Variants in ZZEF1 observed in about 807,000 individuals in gnomAD.
ZZEF1 encodes the protein zinc finger ZZ-type and EF-hand domain containing 1.
A neutral mutation model predicts 342.8 loss-of-function variants in ZZEF1; 157 were observed. The ratio of observed to expected loss-of-function variants is 0.46; its 90% CI spans 0.40 to 0.52. The LOEUF (loss-of-function observed/expected upper bound fraction) is 0.52. ZZEF1 is among the 20% of genes least tolerant of loss of function. ZZEF1 has a pLI of 0.00. For synonymous variants in ZZEF1, 1,505 were observed against 1,429.1 expected, an observed-to-expected ratio of 1.05 and a Z score of -1.20; for missense variants, 3,480 against 3,725.6, an observed-to-expected ratio of 0.93 and a Z score of 1.72.
chr17:4,016,378 A>G lies in ZZEF1; in HGVS notation c.8090T>C (p.Met2697Thr). 6.2e-7 allele frequency: 1 copy of G among 1,614,084 alleles called. No homozygotes were observed. The highest frequency in any genetic ancestry group is 8.5e-7 in the Non-Finnish European group (1 of 1,180,024). Residue 2697 changes from methionine (M) to threonine (T), a missense_variant, in exon 49 of 55, where the codon ATG (methionine) becomes ACG (threonine). Physicochemically the swap from Met to Thr is moderately conservative, Grantham distance 81 (BLOSUM62 -1). Around this residue, in one of 5 missense-constraint regions of ZZEF1, gnomAD observed 1,269 missense variants for 1,342.4 expected, o/e 0.95. Transcript: ENST00000381638. This position sits in a 1 kb window ranked among gnomAD's most constrained non-coding sequence, Gnocchi z 4.4. Reference protein sequence around the residue: ...AACQFMEEPGMEVQVRESKHP... With the variant: ...AACQFMEEPGTEVQVRESKHP... ...TTTCGACTCCCTCACTTGCACCTCC[A>G]TTCCTGGCTCCTCCATGAACTGGCA...
At chr17:4,111,441 T>C (rs1353821121) in intron 5 of ZZEF1, among the ~76,000 whole-genome samples, 3 of 152,012 alleles carry the variant, frequency 2.0e-5, no homozygotes, top group Non-Finnish European at 2.9e-5. Context: ...GGGCGGATCA[T>C]GAGGTCAGTA....
Position 4,070,925 on chromosome 17 carries a change from C to G in ZZEF1, c.3835-1G>C. 1 of 1,606,968 alleles carries G rather than the reference C, an allele frequency of 6.2e-7. No individual in the cohort carries two copies. On this transcript the variant is annotated splice_acceptor_variant, in intron 25 of 54. Transcript: ENST00000381638. LOFTEE classifies it high-confidence loss of function. ...AGGGGTCGTCAGGAATGTTCTTAAC[C>G]TGGAAACAAAAAATAAACCCATCAC...
At chr17:4,060,661 C>T (rs746671508) in intron 30 of ZZEF1, among the ~76,000 whole-genome samples, 1 of 151,878 alleles carries the variant, frequency 6.6e-6, no homozygotes, top group Non-Finnish European at 1.5e-5. Context: ...CCACCACTAC[C>T]TCCTTCTCAT....
chr17:4,038,365 A>ATAGTATTGTCTGGAGTAAGT (rs1378476448), intron 39 of ZZEF1, among the ~76,000 whole-genome samples: 1 of 152,214 alleles, frequency 6.6e-6, no homozygotes, highest in Non-Finnish European at 1.5e-5. Flanking sequence ...AGTAATTTCC[A>ATAGTATTGTCTGGAGTAAGT]GTTTAGAAAC....
Position 4,056,204 on chromosome 17 carries a change from G to A in ZZEF1, c.5295+12C>T. 6.4e-7 allele frequency: 1 copy of A among 1,570,158 alleles called. No individual in the cohort carries two copies. Among genetic ancestry groups the A allele is most frequent in the Non-Finnish European group, 8.6e-7 (1 of 1,158,142 alleles). ...CAAATCACTTCAGAGTACTCTAGTT[G>A]AGAGGTCTTACTTTCCTCTGCTTCT... On this transcript the variant is annotated intron_variant, in intron 33 of 54. Coordinates refer to ENST00000381638, the MANE Select transcript of ZZEF1 (RefSeq NM_015113.4).
At chr17:4,092,632 C>T (rs1373271495) in intron 11 of ZZEF1, among the ~76,000 whole-genome samples, 1 of 152,116 alleles carries the variant, frequency 6.6e-6, no homozygotes, top group African/African-American at 2.4e-5. Context: ...TAACATAAGT[C>T]TTTCTTGGCA....
At chr17:4,125,264 C>G (rs1253322255) in intron 1 of ZZEF1, among the ~76,000 whole-genome samples, 2 of 152,180 alleles carry the variant, frequency 1.3e-5, no homozygotes, top group African/African-American at 4.8e-5. Flanking sequence ...TGCAATACTT[C>G]AGGAGTCTTT....
intron 3 of ZZEF1, among the ~76,000 whole-genome samples, chr17:4,115,437 C>T (rs1173601669): frequency 2.6e-5 from 4 of 152,044 alleles, no homozygotes; most frequent in African/African-American, 7.2e-5. Context: ...CCAAGGCAGG[C>T]GGATCACTTG....
intron 32 of ZZEF1, among the ~76,000 whole-genome samples, chr17:4,056,586 AGG>A (rs2057164377): frequency 6.6e-6 from 1 of 152,210 alleles, no homozygotes; most frequent in African/African-American, 2.4e-5. Context: ...AGAGTTTGAA[AGG>A]TTGTACCACA....
intron 29 of ZZEF1, among the ~76,000 whole-genome samples, chr17:4,063,881 C>G (rs1435559448): frequency 6.6e-6 from 1 of 152,138 alleles, no homozygotes; most frequent in Admixed American, 6.5e-5. Flanking sequence ...GCATCCACCA[C>G]TACGCCCAGC....
At position 4,070,810 on chromosome 17, in the gene ZZEF1, C is replaced by A; in HGVS notation, c.3949G>T (p.Ala1317Ser). Residue 1317 changes from alanine (A) to serine (S), a missense_variant, in exon 26 of 55, where the codon GCA becomes TCA. By Grantham distance (99) the Ala-to-Ser change is moderately conservative. Around this residue, in one of 5 missense-constraint regions of ZZEF1, gnomAD observed 1,528 missense variants for 1,624.1 expected, o/e 0.94. Coordinates refer to ENST00000381638, the MANE Select transcript of ZZEF1 (RefSeq NM_015113.4). ...YSELFKGFIQ[A>S]CRKQAPKTDI... Reference sequence around the variant, plus strand: ...GTCTTTGGGGCCTGTTTTCTACATGCCTGTATGAATCCTTTGAAAAGTTCT... The same window carrying A: ...GTCTTTGGGGCCTGTTTTCTACATGACTGTATGAATCCTTTGAAAAGTTCT... 6.2e-7 allele frequency: 1 copy of A among 1,614,060 alleles called. No individual in the cohort carries two copies. The highest frequency in any genetic ancestry group is 8.5e-7 in the Non-Finnish European group (1 of 1,180,026).
intron 11 of ZZEF1, 61 bp from the exon 12 acceptor site, chr17:4,090,891 A>C: frequency 1.6e-6 from 2 of 1,257,870 alleles, no homozygotes; most frequent in East Asian, 4.7e-5. Flanking sequence ...GGTCTAACAA[A>C]TAAGGTATCA....
At chr17:4,104,925 A>G (rs1231251253) in intron 7 of ZZEF1, 114 bp from the exon 8 acceptor site, 2 of 861,844 alleles carry the variant, frequency 2.3e-6, no homozygotes, top group Non-Finnish European at 3.5e-6. Flanking sequence ...TATGCTTTCT[A>G]CAGGTTTATC....
chr17:4,032,780 G>C, intron 41 of ZZEF1, 48 bp downstream of exon 41: 1 of 1,599,308 alleles, frequency 6.3e-7, no homozygotes, highest in Non-Finnish European at 8.6e-7. Flanking sequence ...TGTGTATAGT[G>C]AAGACTGGAA....
Position 4,014,012 on chromosome 17 carries a change from C to A in ZZEF1, c.8413+78G>T. ...TACCTGCTTTGATTTTAACCAAGAT[C>A]AGTGACATCATGGCACCCACAGCCA... On this transcript the variant is annotated intron_variant, in intron 51 of 54. Transcript: ENST00000381638. This position sits in a 1 kb window ranked among gnomAD's most constrained non-coding sequence, Gnocchi z 4.4. The A allele has an allele frequency of 7.3e-7, 1 of 1,362,472 alleles. No individual in the cohort carries two copies. The highest frequency in any genetic ancestry group is 1.0e-6 in the Non-Finnish European group (1 of 962,618). 84.4% of individuals were successfully genotyped at this position (1,362,472 alleles called of 1,614,324 possible).
In ZZEF1 at chr17:4,121,726, CA is replaced by C. The variant is rs1254394431; in HGVS notation, c.499+2180del. Reference sequence around the variant, plus strand: ...CAACCTGAAGGAGAATGGAGATACACATTTTTTTTTTTTTTGAGACAGGGTC... The same window carrying C: ...CAACCTGAAGGAGAATGGAGATACACTTTTTTTTTTTTTTGAGACAGGGTC... On this transcript the variant is annotated intron_variant, in intron 2 of 54. Coordinates refer to ENST00000381638, the MANE Select transcript of ZZEF1 (RefSeq NM_015113.4). Among the ~76,000 whole-genome samples, 137 of 149,102 alleles carry C rather than the reference CA, an allele frequency of 9.2e-4. 1 individual carries two copies. The highest frequency in any genetic ancestry group is 3.1e-3 in the African/African-American group (122 of 39,966).
At position 4,054,047 on chromosome 17, in the gene ZZEF1, T is replaced by C. The variant is rs778913912; in HGVS notation, c.5434+10A>G. The C allele has an allele frequency of 1.1e-5, 18 of 1,608,356 alleles. No homozygotes were observed. In the Admixed American group the frequency reaches 1.3e-4, roughly 12 times the overall value. On this transcript the variant is annotated intron_variant, in intron 34 of 54. Transcript: ENST00000381638. Reference sequence around the variant, plus strand: ...CTTTGGATACGGCGTACCCAGTTCATGAAATTTACCTAGGAAGCAAGTTTT... The same window carrying C: ...CTTTGGATACGGCGTACCCAGTTCACGAAATTTACCTAGGAAGCAAGTTTT...
chr17:4,060,928 G>A (rs2057274605), intron 30 of ZZEF1, among the ~76,000 whole-genome samples: 2 of 152,152 alleles, frequency 1.3e-5, no homozygotes, highest in South Asian at 2.1e-4. Flanking sequence ...CCTGCACCAA[G>A]TTTCCTTATC....
At chr17:4,047,785 C>T (rs1221015928) in intron 37 of ZZEF1, among the ~76,000 whole-genome samples, 1 of 149,650 alleles carries the variant, frequency 6.7e-6, no homozygotes, top group African/African-American at 2.5e-5. Flanking sequence ...ACTAAAAATA[C>T]AAAAAATTAG....
Sources: allele counts gnomAD v4.1 joint callset (sites outside exome capture counted in the v4.1 genomes callset), GRCh38; gene constraint gnomAD v4.1.1; regional missense constraint gnomAD v4.1.1; non-coding constraint Gnocchi (gnomAD v3.1); transcripts MANE v1.5; gene names NCBI Gene and HGNC (gene_info 2026-07-23, HGNC 2026-07-21).